KIF3B: variants seen among roughly 807,000 people sequenced by gnomAD.
KIF3B encodes kinesin-like protein KIF3B.
A neutral mutation model predicts 74.3 loss-of-function variants in KIF3B; 38 were observed. That is an observed-to-expected ratio of 0.51 (90% CI 0.39 to 0.67). The LOEUF (loss-of-function observed/expected upper bound fraction) is 0.67. Ranked by LOEUF, KIF3B falls within the 30% of genes least tolerant of loss-of-function variation. The probability of loss-of-function intolerance (pLI) is 0.00; values close to 1 mark genes in which losing one functional copy is unlikely to be tolerated. For missense variants in KIF3B, 649 were observed against 932.0 expected (o/e 0.70, Z 3.95); for synonymous variants, 326 against 342.5 (o/e 0.95, Z 0.53).
chr20:32,290,455 A>C (rs937894716), intron 1 of KIF3B, among the ~76,000 whole-genome samples: 2 of 152,176 alleles, frequency 1.3e-5, no homozygotes, highest in African/African-American at 4.8e-5. Flanking sequence ...CTTTTTGGCT[A>C]TTCAGGCTAC....
intron 1 of KIF3B, among the ~76,000 whole-genome samples, chr20:32,303,563 A>T (rs1374312287): frequency 7.7e-6 from 1 of 129,158 alleles, no homozygotes; most frequent in African/African-American, 2.8e-5. Flanking sequence ...AGACTCCGTT[A>T]AAAAAAAAAA....
At chr20:32,323,610 G>T (rs949271215) in intron 5 of KIF3B, among the ~76,000 whole-genome samples, 2 of 152,064 alleles carry the variant, frequency 1.3e-5, no homozygotes, top group Non-Finnish European at 2.9e-5. Context: ...CGAGCATGGT[G>T]GCTCGTACCT....
intron 2 of KIF3B, among the ~76,000 whole-genome samples, chr20:32,312,023 G>A (rs550177774): frequency 2.6e-5 from 4 of 151,524 alleles, no homozygotes; most frequent in South Asian, 2.1e-4. Flanking sequence ...GGCTGGTCTC[G>A]AACTCCTGAC....
Position 32,310,180 on chromosome 20 carries a change from A to C in KIF3B, c.403A>C (p.Asn135His), listed in dbSNP as rs564286708. 6 of 1,613,278 alleles carry C rather than the reference A, an allele frequency of 3.7e-6. No homozygotes were observed. In the African/African-American group the frequency reaches 8.0e-5, roughly 21 times the overall value. ...HIFTHISRSQ[N>H]QQYLVRASYL... ...CTTCACCCACATCTCTCGATCCCAGAATCAACAATACCTGGTCAGGGCTTC... is the reference window on the plus strand; with the variant it reads ...CTTCACCCACATCTCTCGATCCCAGCATCAACAATACCTGGTCAGGGCTTC... The change falls in exon 2 of 9, where the codon AAT becomes CAT. Residue 135 changes from asparagine (N) to histidine (H), a missense_variant. Asn to His is a moderately conservative substitution (Grantham distance 68). Coordinates refer to ENST00000375712, the MANE Select transcript of KIF3B (RefSeq NM_004798.4). This position sits in a 1 kb window ranked among gnomAD's most constrained non-coding sequence, Gnocchi z 6.5.
chr20:32,309,894 G>T lies in KIF3B; in HGVS notation c.117G>T (p.Gly39=), dbSNP rs772953120. 3.1e-6 allele frequency: 5 copies of T among 1,614,050 alleles called. No individual in the cohort carries two copies. Among genetic ancestry groups the T allele is most frequent in the Non-Finnish European group, 4.2e-6 (5 of 1,180,046 alleles). The part of the protein sequence containing the change: ...DKVVDVDVKL[G]QVSVKNPKGT... Reference sequence around the variant, plus strand: ...TGGTGGATGTGGATGTTAAGCTGGGGCAGGTGTCTGTGAAGAACCCCAAAG... The same window carrying T: ...TGGTGGATGTGGATGTTAAGCTGGGTCAGGTGTCTGTGAAGAACCCCAAAG... The change falls in exon 2 of 9, where the codon GGG becomes GGT. Residue 39 remains glycine (G), a synonymous_variant. Transcript: ENST00000375712.
At chr20:32,286,464 A>C (rs954979986) in intron 1 of KIF3B, among the ~76,000 whole-genome samples, 1 of 152,234 alleles carries the variant, frequency 6.6e-6, no homozygotes, top group Non-Finnish European at 1.5e-5. Flanking sequence ...TCCTTGGTGG[A>C]AGTAGTTACT....
Position 32,309,814 on chromosome 20 carries a change from G to C in KIF3B, c.37G>C (p.Val13Leu). 1 of 1,614,116 alleles carries C rather than the reference G, an allele frequency of 6.2e-7. No homozygotes were observed. The highest frequency in any genetic ancestry group is 8.5e-7 in the Non-Finnish European group (1 of 1,180,000). The change falls in exon 2 of 9, where the codon GTG (valine) becomes CTG (leucine). Residue 13 changes from valine to leucine, a missense_variant. Physicochemically the swap from Val to Leu is conservative, Grantham distance 32. Transcript: ENST00000375712. The stretch of plus-strand genomic sequence containing the variant: ...GAAAAGCTCAGAGTCAGTCAGGGTG[G>C]TGGTTCGCTGTCGGCCCATGAATGG... ...KLKSSESVRV[V>L]VRCRPMNGKE...
rs1425026134 is a variant in KIF3B at position 32,310,639 on chromosome 20, A to C, written c.862A>C (p.Thr288Pro). Residue 288 changes from threonine to proline, a missense_variant, in exon 2 of 9, where the codon ACT (threonine) becomes CCT (proline). Thr to Pro is a conservative substitution (Grantham distance 38). Transcript: ENST00000375712. The surrounding 1 kb of genome is among the most constrained non-coding windows in gnomAD (Gnocchi z 6.5). ...VISALVDGKS[T>P]HIPYRDSKLT... ...CTCTGCTCTAGTGGACGGCAAAAGC[A>C]CTCACATTCCATATCGGGACTCAAA... is the stretch of plus-strand genomic sequence containing the variant. The C allele has an allele frequency of 1.1e-5, 18 of 1,613,916 alleles. No individual in the cohort carries two copies. The highest frequency in any genetic ancestry group is 1.7e-5 in the Admixed American group (1 of 59,970).
At chr20:32,292,558 T>A (rs370916327) in intron 1 of KIF3B, among the ~76,000 whole-genome samples, 204 of 120,122 alleles carry the variant, frequency 1.7e-3, no homozygotes, top group African/African-American at 6.4e-3. Flanking sequence ...GCCAACACGG[T>A]GAAACCTCGT....
At chr20:32,307,371 CCTT>C (rs1488422576) in intron 1 of KIF3B, among the ~76,000 whole-genome samples, 2 of 152,136 alleles carry the variant, frequency 1.3e-5, no homozygotes, top group African/African-American at 4.8e-5. Context: ...TAGATTACCA[CCTT>C]CTTTTTAATA....
rs1013907685 is a variant in KIF3B at position 32,310,336 on chromosome 20, G to A, written c.559G>A (p.Val187Met). 3 of 1,614,074 alleles carry A rather than the reference G, an allele frequency of 1.9e-6. No homozygotes were observed. Among genetic ancestry groups the A allele is most frequent in the Middle Eastern group, 1.6e-4 (1 of 6,062 alleles). Reference protein sequence around the residue: ...KDLSSFVTKSVKEIEHVMNVG... With the variant: ...KDLSSFVTKSMKEIEHVMNVG... ...CCTGTCTTCCTTTGTCACCAAGAGT[G>A]TGAAGGAGATAGAGCATGTGATGAA... Residue 187 changes from valine to methionine, a missense_variant, in exon 2 of 9, where the codon GTG becomes ATG. By Grantham distance (21) the Val-to-Met change is conservative. Coordinates refer to ENST00000375712, the MANE Select transcript of KIF3B (RefSeq NM_004798.4). The surrounding 1 kb of genome is among the most constrained non-coding windows in gnomAD (Gnocchi z 6.5).
At chr20:32,322,741 T>TA (rs2047870821) in intron 5 of KIF3B, among the ~76,000 whole-genome samples, 3 of 61,236 alleles carry the variant, frequency 4.9e-5, no homozygotes, top group African/African-American at 1.9e-4. Context: ...TTTATATATA[T>TA]TTATTTATAT....
At chr20:32,313,055 T>C (rs2047809514) in intron 2 of KIF3B, among the ~76,000 whole-genome samples, 2 of 152,194 alleles carry the variant, frequency 1.3e-5, no homozygotes, top group South Asian at 4.1e-4. Flanking sequence ...TACTTTCTTA[T>C]AGTCAGCCTC....
At chr20:32,328,982 A>G (rs1470399276) in intron 7 of KIF3B, among the ~76,000 whole-genome samples, 1 of 152,112 alleles carries the variant, frequency 6.6e-6, no homozygotes, top group African/African-American at 2.4e-5. Flanking sequence ...AGCTCTGCTT[A>G]CTGCAACCCC....
At chr20:32,311,879 T>G (rs543928569) in intron 2 of KIF3B, among the ~76,000 whole-genome samples, 3 of 149,782 alleles carry the variant, frequency 2.0e-5, no homozygotes, top group African/African-American at 7.4e-5. Flanking sequence ...CTCGGCTCAC[T>G]GCAACGTCTG....
chr20:32,325,347 G>A (rs2047897275), intron 5 of KIF3B, among the ~76,000 whole-genome samples: 1 of 151,870 alleles, frequency 6.6e-6, no homozygotes, highest in East Asian at 2.0e-4. Context: ...GGTCAACCAC[G>A]CACGGCTAAT....
intron 5 of KIF3B, among the ~76,000 whole-genome samples, chr20:32,317,331 TGG>T (rs2047833336): frequency 6.6e-6 from 1 of 152,308 alleles, no homozygotes; most frequent in East Asian, 1.9e-4. Context: ...TTTCCATCTC[TGG>T]ATCCCATCTG....
chr20:32,326,421 A>G (rs1241944148), intron 5 of KIF3B, among the ~76,000 whole-genome samples: 1 of 152,192 alleles, frequency 6.6e-6, no homozygotes, highest in Non-Finnish European at 1.5e-5. Flanking sequence ...TACTTCAGGT[A>G]GCAAATGTTC....
chr20:32,298,014 C>T (rs932869050), intron 1 of KIF3B, among the ~76,000 whole-genome samples: 1 of 150,810 alleles, frequency 6.6e-6, no homozygotes, highest in Non-Finnish European at 1.5e-5. Context: ...GGAGGCTAAG[C>T]GGGGAGAATC....
Sources: gnomAD v4.1 joint callset for allele counts (sites outside exome capture counted in the v4.1 genomes callset) on GRCh38, gnomAD v4.1.1 for gene constraint, Gnocchi (gnomAD v3.1) non-coding constraint, MANE v1.5 for transcripts, NCBI Gene and HGNC (gene_info 2026-07-23, HGNC 2026-07-21) for gene names.